MXD1: variants seen among roughly 807,000 people sequenced by gnomAD.
MXD1 encodes MAX-binding protein.
Under a neutral mutation model 25.7 loss-of-function variants are expected in MXD1, and 9 were observed. The ratio of observed to expected loss-of-function variants is 0.35; its 90% CI spans 0.21 to 0.61. The LOEUF (loss-of-function observed/expected upper bound fraction) is 0.61, where lower values mean the gene tolerates loss of function less well. MXD1 is among the 20% of genes least tolerant of loss of function. The pLI, the probability that MXD1 is intolerant of heterozygous loss-of-function variation, is 0.75. For synonymous variants in MXD1, 99 were observed against 113.9 expected, an observed-to-expected ratio of 0.87 and a Z score of 0.83; for missense variants, 227 against 292.4, an observed-to-expected ratio of 0.78 and a Z score of 1.63.
intron 5 of MXD1, 136 bp from the exon 6 acceptor site, chr2:69,937,960 TG>T: frequency 1.3e-6 from 1 of 749,524 alleles, no homozygotes; most frequent in Non-Finnish European, 2.2e-6. Flanking sequence ...TTGGCCCAGC[TG>T]GTCTCAAACT....
intron 3 of MXD1, among the ~76,000 whole-genome samples, chr2:69,922,836 C>T (rs755951454): frequency 3.5e-4 from 52 of 150,282 alleles, no homozygotes; most frequent in Non-Finnish European, 5.9e-4. Context: ...GCCGAGATCC[C>T]GCCACTGCAC....
chr2:69,920,511 C>G (rs1219515175), intron 2 of MXD1, among the ~76,000 whole-genome samples: 4 of 152,126 alleles, frequency 2.6e-5, no homozygotes, highest in African/African-American at 9.7e-5. Context: ...GCCATCCCCC[C>G]ACATTCACTC....
At chr2:69,921,596 A>C in intron 2 of MXD1, 140 bp from the exon 3 acceptor site, 2 of 587,496 alleles carry the variant, frequency 3.4e-6, no homozygotes, top group Non-Finnish European at 5.6e-6. Context: ...TTTTTTTAGT[A>C]GAGCCCAGTG....
At position 69,937,286 on chromosome 2, in the gene MXD1, C is replaced by T. The variant is rs761531529; in HGVS notation, c.370C>T (p.Arg124Ter). 6.2e-7 allele frequency: 1 copy of T among 1,614,178 alleles called. No individual in the cohort carries two copies. Among genetic ancestry groups the T allele is most frequent in the Non-Finnish European group, 8.5e-7 (1 of 1,180,024 alleles). ...CGTTCACCAAATCGACCAGCTTCAG[C>T]GAGAGCAGCGACACCTGAAGAGGCA... The part of the protein sequence containing the change: ...KAVHQIDQLQ[R>*]EQRHLKRQLE... Residue 124 changes from arginine to a stop codon, truncating the protein, a stop_gained, in exon 5 of 6, where the codon CGA (arginine) becomes TGA (stop). Coordinates refer to ENST00000264444, the MANE Select transcript of MXD1 (RefSeq NM_002357.4). LOFTEE classifies it high-confidence loss of function.
At position 69,941,001 on chromosome 2, in the gene MXD1, G is replaced by A. The variant is rs988924197; in HGVS notation, c.*2717G>A. ...GTTGTTTTGTCTTTTTAAGCAAGAT[G>A]AAAACCTTTCTATTAGGGATTTTGG... On this transcript the variant is annotated 3_prime_UTR_variant, in exon 6 of 6. Transcript: ENST00000264444. The A allele has an allele frequency of 2.6e-5, 4 of 152,562 alleles. No homozygotes were observed. The highest frequency in any genetic ancestry group is 5.9e-5 in the Non-Finnish European group (4 of 68,026). The allele number at this position is 152,562 out of a possible 1,614,324, so 9.5% of individuals were successfully genotyped here.
intron 3 of MXD1, among the ~76,000 whole-genome samples, chr2:69,925,643 T>C (rs998774979): frequency 3.9e-5 from 6 of 152,188 alleles, no homozygotes; most frequent in African/African-American, 1.4e-4. Context: ...AATCTCCTTT[T>C]TCAACATTAC....
chr2:69,936,231 G>T (rs112385743), intron 4 of MXD1, among the ~76,000 whole-genome samples: 19 of 152,234 alleles, frequency 1.2e-4, no homozygotes, highest in African/African-American at 4.3e-4. Context: ...TCCTGTGACA[G>T]GTGGTCCCAT....
rs149943253 is a variant in MXD1, at chr2:69,938,281, C to T, written c.663C>T (p.Leu221=). ...ACAGTCACAAGGCGTGTCTTGGTCT[C>T]TAAGAGAGTGGGCACTGCGGCTGTC... is the stretch of plus-strand genomic sequence containing the variant. ...LQDSHKACLG[L] The change falls in exon 6 of 6, where the codon CTC becomes CTT. Residue 221 remains leucine (L), a synonymous_variant. Coordinates refer to ENST00000264444, the MANE Select transcript of MXD1 (RefSeq NM_002357.4). The T allele has an allele frequency of 1.2e-5, 19 of 1,613,848 alleles. No individual in the cohort carries two copies. The African/African-American group carries it at 2.4e-4, about 20-fold the overall frequency.
Position 69,939,380 on chromosome 2 carries a change from G to C in MXD1, c.*1096G>C, listed in dbSNP as rs1380259587. On this transcript the variant is annotated 3_prime_UTR_variant, in exon 6 of 6. Coordinates refer to ENST00000264444, the MANE Select transcript of MXD1 (RefSeq NM_002357.4). ...AGAAACTTCTTTATGGAGGCTTTTG[G>C]GTTGATAGTTTAAAAGGCTGATTTT... 1 of 152,472 alleles carries C rather than the reference G, an allele frequency of 6.6e-6. No homozygotes were observed. The highest frequency in any genetic ancestry group is 1.5e-5 in the Non-Finnish European group (1 of 68,006). 9.4% of individuals were successfully genotyped at this position (152,472 alleles called of 1,614,324 possible).
At chr2:69,916,378 C>A in intron 2 of MXD1, 158 bp downstream of exon 2, 1 of 494,026 alleles carries the variant, frequency 2.0e-6, no homozygotes, top group Non-Finnish European at 3.6e-6. Context: ...TTGCAGGAAG[C>A]TGTTTCTGTT....
chr2:69,937,214 A>G (rs1677470643), intron 4 of MXD1, 21 bp from the exon 5 acceptor site: 1 of 1,611,884 alleles, frequency 6.2e-7, no homozygotes, highest in Non-Finnish European at 8.5e-7. Context: ...GGGGCCCAAC[A>G]ACTACCCCTT....
intron 5 of MXD1, 120 bp from the exon 6 acceptor site, chr2:69,937,977 C>A: frequency 1.1e-6 from 1 of 891,670 alleles, no homozygotes; most frequent in Non-Finnish European, 1.7e-6. Flanking sequence ...AAACTCCTAA[C>A]CTCAAGTGAT....
At chr2:69,932,832 A>G (rs1218114114) in intron 3 of MXD1, among the ~76,000 whole-genome samples, 5 of 152,240 alleles carry the variant, frequency 3.3e-5, no homozygotes, top group Admixed American at 3.3e-4. Flanking sequence ...CTAAAATGAC[A>G]CTGTTCTGAA....
intron 3 of MXD1, among the ~76,000 whole-genome samples, chr2:69,922,438 T>C (rs950472353): frequency 6.6e-5 from 10 of 152,228 alleles, no homozygotes; most frequent in Non-Finnish European, 1.2e-4. Context: ...GGTTGCACAT[T>C]AGAATCACTT....
chr2:69,917,202 A>T (rs1676977610), intron 2 of MXD1, among the ~76,000 whole-genome samples: 1 of 152,110 alleles, frequency 6.6e-6, no homozygotes, highest in South Asian at 2.1e-4. Context: ...CCTAAAAATC[A>T]CTTGTTCTTG....
intron 3 of MXD1, among the ~76,000 whole-genome samples, chr2:69,928,703 CAAAA>C (rs35921399): frequency 1.6e-5 from 2 of 128,146 alleles, no homozygotes; most frequent in South Asian, 4.9e-4. Flanking sequence ...CCATCTGTAC[CAAAA>C]AAAAAAAAAA....
chr2:69,923,152 CAACA>C (rs925992653), intron 3 of MXD1, among the ~76,000 whole-genome samples: 14 of 151,670 alleles, frequency 9.2e-5, no homozygotes, highest in South Asian at 4.2e-4. Context: ...TTTTAAAAGC[CAACA>C]AACAAACAAA....
chr2:69,919,480 G>A lies in MXD1; in HGVS notation c.174-2256G>A, dbSNP rs1208594820. Reference sequence around the variant, plus strand: ...CTGCCTCAGCCTCCCGAGTAGCTGGGATTACAGGCGTATGTGACCATGCCT... The same window carrying A: ...CTGCCTCAGCCTCCCGAGTAGCTGGAATTACAGGCGTATGTGACCATGCCT... On this transcript the variant is annotated intron_variant, in intron 2 of 5. Transcript: ENST00000264444. 2.0e-5 allele frequency among the ~76,000 whole-genome samples: 3 copies of A among 152,090 alleles called. No homozygotes were observed. The East Asian group carries it at 5.8e-4, about 29-fold the overall frequency.
intron 2 of MXD1, among the ~76,000 whole-genome samples, chr2:69,916,840 C>T (rs776170125): frequency 2.0e-5 from 3 of 152,156 alleles, no homozygotes; most frequent in Non-Finnish European, 2.9e-5. Context: ...TTAGCCTTAT[C>T]GATTATCTTA....
Sources: allele counts gnomAD v4.1 joint callset (sites outside exome capture counted in the v4.1 genomes callset), GRCh38; gene constraint gnomAD v4.1.1; transcripts MANE v1.5; gene names NCBI Gene and HGNC (gene_info 2026-07-23, HGNC 2026-07-21).